RPIA: variants seen among roughly 807,000 people sequenced by gnomAD.
RPIA encodes ribose-5-phosphate isomerase.
RPIA carries 29 observed loss-of-function variants against 37.8 expected under a neutral mutation model. The observed-to-expected ratio is 0.77, with a 90% CI of 0.57 to 1.05. RPIA has a LOEUF of 1.05. RPIA is among the 50% of genes least tolerant of loss of function. The pLI, the probability that RPIA is intolerant of heterozygous loss-of-function variation, is 0.00. For missense variants in RPIA, 385 were observed against 413.6 expected (o/e 0.93, Z 0.60); for synonymous variants, 167 against 157.0 (o/e 1.06, Z -0.48).
intron 3 of RPIA, among the ~76,000 whole-genome samples, chr2:88,719,216 G>A (rs1352422980): frequency 1.3e-5 from 2 of 152,120 alleles, no homozygotes; most frequent in Non-Finnish European, 2.9e-5. Flanking sequence ...TCAAGACACA[G>A]TTGACAAGGA....
rs986595206 is a variant in RPIA, at chr2:88,750,632, G to T, written c.*554G>T. On this transcript the variant is annotated 3_prime_UTR_variant, in exon 9 of 9. Transcript: ENST00000283646. ...GTTTATAAAACTGTGGAGTGGAGCG[G>T]TATGGTATGGAATGACTTGGAATGT... The T allele has an allele frequency of 5.0e-6, 2 of 403,160 alleles. No individual in the cohort carries two copies. Among genetic ancestry groups the T allele is most frequent in the Non-Finnish European group, 8.8e-6 (2 of 228,498 alleles). 25.0% of individuals were successfully genotyped at this position (403,160 alleles called of 1,614,324 possible). A position where few individuals can be genotyped will look rare whatever the true frequency, so the allele number is the denominator to read the frequency against.
intron 3 of RPIA, among the ~76,000 whole-genome samples, chr2:88,703,970 A>T (rs564419163): frequency 8.5e-5 from 13 of 152,282 alleles, no homozygotes; most frequent in Admixed American, 5.2e-4. Context: ...AAGTTCCACA[A>T]ATCTCTGGGG....
chr2:88,747,347 C>G (rs1411126569), intron 8 of RPIA, among the ~76,000 whole-genome samples: 1 of 152,192 alleles, frequency 6.6e-6, no homozygotes, highest in Non-Finnish European at 1.5e-5. Context: ...AGACTACAGG[C>G]CTCCCTACTG....
chr2:88,741,503 G>A (rs1673382988), intron 8 of RPIA, among the ~76,000 whole-genome samples: 1 of 152,232 alleles, frequency 6.6e-6, no homozygotes, highest in South Asian at 2.1e-4. Context: ...GTTCCATATT[G>A]TTGAAATTGC....
chr2:88,736,906 G>GGGGAAT (rs1297883895), intron 7 of RPIA, among the ~76,000 whole-genome samples: 1 of 152,212 alleles, frequency 6.6e-6, no homozygotes, highest in Non-Finnish European at 1.5e-5. Flanking sequence ...TGTACAGATA[G>GGGGAAT]GGGAATGATT....
At chr2:88,704,348 G>C (rs746012237) in intron 3 of RPIA, among the ~76,000 whole-genome samples, 2 of 152,190 alleles carry the variant, frequency 1.3e-5, no homozygotes, top group African/African-American at 4.8e-5. Flanking sequence ...GCAGTTCCAC[G>C]TGGCTGGGGA....
In RPIA at chr2:88,750,177, G is replaced by C; in HGVS notation, c.*99G>C. On this transcript the variant is annotated 3_prime_UTR_variant, in exon 9 of 9. Transcript: ENST00000283646. ...CTTTGCCTTAATGTATCTCTGCCTG[G>C]ACAACTTGTGGTGGGGGGTGGGGGG... is the stretch of plus-strand genomic sequence containing the variant. The C allele has an allele frequency of 4.2e-6, 3 of 718,446 alleles. No homozygotes were observed. Among genetic ancestry groups the C allele is most frequent in the East Asian group, 6.3e-5 (2 of 31,942 alleles). 44.5% of individuals were successfully genotyped at this position (718,446 alleles called of 1,614,324 possible). A position where few individuals can be genotyped will look rare whatever the true frequency, so the allele number is the denominator to read the frequency against.
At chr2:88,705,927 CATTT>C (rs1464124363) in intron 3 of RPIA, among the ~76,000 whole-genome samples, 2 of 152,102 alleles carry the variant, frequency 1.3e-5, no homozygotes, top group African/African-American at 4.8e-5. Flanking sequence ...CAAAAGAAGA[CATTT>C]ATGTGGCTAG....
rs1673498033 is a variant in RPIA at position 88,750,929 on chromosome 2, A to T, written c.*851A>T. ...GGTTTAAATAAAACAGTGTGGTGCC[A>T]TTTTGACTCTTTTGTCTTTATTGTA... On this transcript the variant is annotated 3_prime_UTR_variant, in exon 9 of 9. Coordinates refer to ENST00000283646, the MANE Select transcript of RPIA (RefSeq NM_144563.3). 2.6e-6 allele frequency: 1 copy of T among 391,502 alleles called. No individual in the cohort carries two copies. 24.3% of individuals were successfully genotyped at this position (391,502 alleles called of 1,614,324 possible). A position where few individuals can be genotyped will look rare whatever the true frequency, so the allele number is the denominator to read the frequency against.
chr2:88,726,998 C>T (rs564838939), intron 3 of RPIA, among the ~76,000 whole-genome samples: 8 of 152,206 alleles, frequency 5.3e-5, no homozygotes, highest in African/African-American at 1.2e-4. Flanking sequence ...CTTGGCCTCC[C>T]GAAGTGCTGG....
Position 88,736,661 on chromosome 2 carries a change from G to A in RPIA, c.723G>A (p.Met241Ile), listed in dbSNP as rs370496588. The change falls in exon 7 of 9, where the codon ATG (methionine) becomes ATA (isoleucine). Residue 241 changes from methionine (M) to isoleucine (I), a missense_variant. Coordinates refer to ENST00000283646, the MANE Select transcript of RPIA (RefSeq NM_144563.3). The stretch of plus-strand genomic sequence containing the variant: ...TTGGGGGCGTGGTTGAACTTCGAAT[G>A]GCTGTCAACAAGGCTGTGAGTGGCC... ...QKFGGVVELRMAVNKAGPVVT... is the reference protein window; with the variant it reads ...QKFGGVVELRIAVNKAGPVVT... The A allele has an allele frequency of 4.3e-6, 7 of 1,613,336 alleles. No homozygotes were observed. The highest frequency in any genetic ancestry group is 2.7e-5 in the African/African-American group (2 of 74,896).
At chr2:88,727,313 G>C (rs1673211697) in intron 3 of RPIA, among the ~76,000 whole-genome samples, 1 of 152,346 alleles carries the variant, frequency 6.6e-6, no homozygotes, top group Admixed American at 6.5e-5. Context: ...AGGAGGTGAG[G>C]ATTATTGGGG....
At chr2:88,699,399 T>A (rs1160990798) in intron 2 of RPIA, among the ~76,000 whole-genome samples, 1 of 151,584 alleles carries the variant, frequency 6.6e-6, no homozygotes, top group Admixed American at 6.6e-5. Flanking sequence ...TTTCCTGAAG[T>A]CTTTTTTTTT....
chr2:88,746,979 G>C (rs989989476), intron 8 of RPIA, among the ~76,000 whole-genome samples: 2 of 152,094 alleles, frequency 1.3e-5, no homozygotes, highest in Non-Finnish European at 2.9e-5. Flanking sequence ...TAAGTATTTT[G>C]GTTTCTTAGG....
chr2:88,722,663 G>T (rs1290440911), intron 3 of RPIA, among the ~76,000 whole-genome samples: 2 of 152,190 alleles, frequency 1.3e-5, no homozygotes, highest in African/African-American at 4.8e-5. Flanking sequence ...GCCATGGTCA[G>T]ATCCTCTCAC....
intron 2 of RPIA, 44 bp from the exon 3 acceptor site, chr2:88,699,965 G>A (rs754092478): frequency 8.1e-6 from 13 of 1,599,814 alleles, no homozygotes; most frequent in Admixed American, 1.7e-5. Context: ...GAAGAATAAA[G>A]TAAGGAGAGT....
chr2:88,720,640 T>C (rs1200955062), intron 3 of RPIA, among the ~76,000 whole-genome samples: 1 of 150,038 alleles, frequency 6.7e-6, no homozygotes. Context: ...TTTAAATATA[T>C]AGAAATATAT....
rs764958986 is a variant in RPIA, at chr2:88,736,570, A to AG, written c.635dup (p.Ile213AsnfsTer26). The AG allele has an allele frequency of 6.2e-7, 1 of 1,614,118 alleles. No individual in the cohort carries two copies. The highest frequency in any genetic ancestry group is 1.7e-5 in the Admixed American group (1 of 60,018). On this transcript the variant is annotated frameshift_variant, in exon 7 of 9. Transcript: ENST00000283646. LOFTEE classifies it high-confidence loss of function. ...AAGAATCTCGGGGATCAGTGGCACA[A>AG]GGGAATCCCCATCGAGGTCATCCCA...
At chr2:88,692,358 A>G (rs1345864777) in intron 1 of RPIA, among the ~76,000 whole-genome samples, 1 of 151,978 alleles carries the variant, frequency 6.6e-6, no homozygotes, top group Non-Finnish European at 1.5e-5. Flanking sequence ...AGAGGTTTTC[A>G]TTTCTCTTTA....
Sources: allele counts gnomAD v4.1 joint callset (sites outside exome capture counted in the v4.1 genomes callset), GRCh38; gene constraint gnomAD v4.1.1; transcripts MANE v1.5; gene names NCBI Gene and HGNC (gene_info 2026-07-23, HGNC 2026-07-21).